Variants in NMNAT3 observed in about 807,000 individuals in gnomAD.
NMNAT3 encodes the protein nicotinamide nucleotide adenylyltransferase 3.
A neutral mutation model predicts 24.8 loss-of-function variants in NMNAT3; 21 were observed. That is an observed-to-expected ratio of 0.85 (90% CI 0.60 to 1.22). NMNAT3 has a LOEUF of 1.22. Among genes scored for constraint, NMNAT3 ranks in the 50% most tolerant of loss-of-function variants. NMNAT3 has a pLI of 0.00. For missense variants in NMNAT3, 387 were observed against 436.6 expected, an observed-to-expected ratio of 0.89 and a Z score of 1.01; for synonymous variants, 136 against 155.2, an observed-to-expected ratio of 0.88 and a Z score of 0.92.
In NMNAT3 at chr3:139,561,109, G is replaced by A. The variant is rs116410811; in HGVS notation, c.942C>T (p.Pro314=). 684 of 1,614,032 alleles carry A rather than the reference G, an allele frequency of 4.2e-4. 1 individual carries two copies. Among genetic ancestry groups the A allele is most frequent in the African/African-American group, 3.6e-3 (273 of 74,990 alleles). The change falls in exon 7 of 7, where the codon CCC becomes CCT. Residue 314 remains proline (P), a synonymous_variant. Coordinates refer to ENST00000643695, the MANE Select transcript of NMNAT3 (RefSeq NM_001320510.2). ...CCTTGATGTACGTGATGACAGCATC[G>A]GGAATCAGGTACTTTACGCTCTGCC...
intron 3 of NMNAT3, among the ~76,000 whole-genome samples, chr3:139,583,782 A>G (rs2053784209): frequency 6.6e-6 from 1 of 152,264 alleles, no homozygotes; most frequent in Admixed American, 6.5e-5. Context: ...TAAAACACAT[A>G]TCATATGTGC....
At chr3:139,655,246 G>A (rs995176994) in intron 1 of NMNAT3, among the ~76,000 whole-genome samples, 7 of 152,206 alleles carry the variant, frequency 4.6e-5, no homozygotes, top group East Asian at 1.9e-4. Context: ...ATGTTGACAA[G>A]GTCAAACTTG....
chr3:139,632,485 C>T (rs1217751322), intron 2 of NMNAT3, among the ~76,000 whole-genome samples: 2 of 152,234 alleles, frequency 1.3e-5, no homozygotes, highest in African/African-American at 4.8e-5. Context: ...CCAGACAATT[C>T]CTTCCAGATT....
chr3:139,614,501 T>G (rs1302482094), intron 3 of NMNAT3, among the ~76,000 whole-genome samples: 1 of 152,212 alleles, frequency 6.6e-6, no homozygotes, highest in Non-Finnish European at 1.5e-5. Context: ...TTAGCTTGCT[T>G]TCTTCTGGAA....
intron 1 of NMNAT3, among the ~76,000 whole-genome samples, chr3:139,646,355 T>C (rs1003204359): frequency 1.3e-5 from 2 of 152,200 alleles, no homozygotes; most frequent in Non-Finnish European, 2.9e-5. Context: ...TTCAATTGAT[T>C]TGTTATCTTT....
At chr3:139,610,535 G>A (rs1226567340) in intron 3 of NMNAT3, among the ~76,000 whole-genome samples, 1 of 152,204 alleles carries the variant, frequency 6.6e-6, no homozygotes, top group Non-Finnish European at 1.5e-5. Context: ...AGTTAGAAAT[G>A]TGAAAATGAA....
chr3:139,649,657 C>T (rs1267614859), intron 1 of NMNAT3, among the ~76,000 whole-genome samples: 1 of 152,110 alleles, frequency 6.6e-6, no homozygotes. Context: ...TGTACGCAGC[C>T]CTCCTAGTGT....
At chr3:139,637,318 G>A (rs2056538470) in intron 2 of NMNAT3, 2 of 152,202 alleles carry the variant, frequency 1.3e-5, no homozygotes, top group Admixed American at 6.5e-5. Context: ...TACATGGAAT[G>A]CAGTTAGTAG....
chr3:139,621,730 C>T (rs2055784931), intron 3 of NMNAT3, among the ~76,000 whole-genome samples: 1 of 152,106 alleles, frequency 6.6e-6, no homozygotes, highest in Non-Finnish European at 1.5e-5. Flanking sequence ...TTCTCTTCAT[C>T]CTTCTGCTTC....
At chr3:139,661,806 CCAT>C (rs1253206488) in intron 1 of NMNAT3, among the ~76,000 whole-genome samples, 3 of 152,152 alleles carry the variant, frequency 2.0e-5, no homozygotes, top group Admixed American at 6.5e-5. Flanking sequence ...ATTATAAACA[CCAT>C]GTTATTTTAC....
intron 1 of NMNAT3, among the ~76,000 whole-genome samples, chr3:139,643,130 C>T (rs944232194): frequency 6.6e-5 from 10 of 152,260 alleles, no homozygotes; most frequent in African/African-American, 2.4e-4. Flanking sequence ...CTCAACATCC[C>T]TAATAACTAG....
chr3:139,612,004 C>T (rs2055241225), intron 3 of NMNAT3, among the ~76,000 whole-genome samples: 3 of 152,050 alleles, frequency 2.0e-5, no homozygotes. Flanking sequence ...CCTGTCTCTA[C>T]TAAAAATACA....
At chr3:139,627,025 T>C (rs2056083301) in intron 3 of NMNAT3, among the ~76,000 whole-genome samples, 1 of 152,194 alleles carries the variant, frequency 6.6e-6, no homozygotes, top group Non-Finnish European at 1.5e-5. Flanking sequence ...AGATTACAAA[T>C]GTCACTTTAC....
At chr3:139,591,438 C>T (rs1345335501) in intron 3 of NMNAT3, among the ~76,000 whole-genome samples, 59 of 152,126 alleles carry the variant, frequency 3.9e-4, no homozygotes, top group Non-Finnish European at 1.3e-4. Flanking sequence ...ACAAAGCAGC[C>T]GGGAAGCTCG....
At chr3:139,601,715 A>G (rs1009874472) in intron 3 of NMNAT3, among the ~76,000 whole-genome samples, 1 of 152,170 alleles carries the variant, frequency 6.6e-6, no homozygotes, top group Non-Finnish European at 1.5e-5. Context: ...GGTGGGGGAT[A>G]AAGTCCCAAG....
chr3:139,595,368 C>T (rs1467312945), intron 3 of NMNAT3, among the ~76,000 whole-genome samples: 27 of 152,044 alleles, frequency 1.8e-4, no homozygotes, highest in Admixed American at 7.9e-4. Flanking sequence ...ATCAATATCG[C>T]GAAAATGGCC....
intron 3 of NMNAT3, among the ~76,000 whole-genome samples, chr3:139,587,159 T>C (rs1412915826): frequency 6.6e-6 from 1 of 152,104 alleles, no homozygotes; most frequent in African/African-American, 2.4e-5. Context: ...CAGAGAGAGC[T>C]TCAGAACAGC....
chr3:139,579,186 G>A (rs1939800704), intron 4 of NMNAT3, 131 bp from the exon 5 acceptor site: 2 of 711,106 alleles, frequency 2.8e-6, no homozygotes, highest in Admixed American at 5.3e-5. Flanking sequence ...ATTCTCTCAT[G>A]GGGGAGAAAG....
intron 2 of NMNAT3, 132 bp from the exon 4 acceptor site, chr3:139,627,896 T>G (rs1227021863): frequency 2.1e-6 from 1 of 469,940 alleles, no homozygotes; most frequent in South Asian, 4.9e-5. Flanking sequence ...AAACAACGTT[T>G]AAGGAGGGTT....
Sources: gnomAD v4.1 joint callset for allele counts (sites outside exome capture counted in the v4.1 genomes callset) on GRCh38, gnomAD v4.1.1 for gene constraint, MANE v1.5 for transcripts, NCBI Gene and HGNC (gene_info 2026-07-23, HGNC 2026-07-21) for gene names.